Variants in DNPEP observed in about 807,000 individuals in gnomAD.
The protein encoded by DNPEP is aspartyl aminopeptidase.
Under a neutral mutation model 59.1 loss-of-function variants are expected in DNPEP, and 46 were observed. The observed-to-expected ratio is 0.78, with a 90% CI of 0.61 to 0.99. DNPEP has a LOEUF of 0.99. Ranked by LOEUF, DNPEP falls within the 50% of genes least tolerant of loss-of-function variation. The pLI, the probability that DNPEP is intolerant of heterozygous loss-of-function variation, is 0.00. For synonymous variants in DNPEP, 229 were observed against 242.2 expected, an observed-to-expected ratio of 0.95 and a Z score of 0.50; for missense variants, 617 against 649.9, an observed-to-expected ratio of 0.95 and a Z score of 0.55.
Position 219,387,097 on chromosome 2 carries a change from C to T in DNPEP, c.103G>A (p.Val35Met), listed in dbSNP as rs372371866. 4.6e-5 allele frequency: 73 copies of T among 1,591,984 alleles called. No homozygotes were observed. Among genetic ancestry groups the T allele is most frequent in the Non-Finnish European group, 5.9e-5 (69 of 1,168,172 alleles). The change falls in exon 2 of 15, where the codon GTG (valine) becomes ATG (methionine). Residue 35 changes from valine (V) to methionine (M), a missense_variant. Physicochemically the swap from Val to Met is conservative, Grantham distance 21. Transcript: ENST00000273075. ...TGGAAAGGAGAGGGACTCCGGTTCA[C>T]GAACTTGAGGAGTTCCTTAGCCGCA... ...QTAAKELLKF[V>M]NRSPSPFHAV...
intron 13 of DNPEP, among the ~76,000 whole-genome samples, chr2:219,377,908 G>A (rs907450096): frequency 6.6e-6 from 1 of 150,638 alleles, no homozygotes; most frequent in African/African-American, 2.4e-5. Flanking sequence ...GGGAGACAAA[G>A]CAAGACCCTG....
chr2:219,396,385 C>T (rs79795086), intron 1 of DNPEP, among the ~76,000 whole-genome samples: 19 of 152,096 alleles, frequency 1.2e-4, no homozygotes, highest in African/African-American at 3.9e-4. Context: ...GTCAGGAGTT[C>T]GAGACCAGCC....
At chr2:219,381,496 T>C (rs6436148) in intron 12 of DNPEP, 49 bp downstream of exon 12, 1,588,052 of 1,614,034 alleles carry the variant, frequency 0.98, 783,452 homozygotes, top group Non-Finnish European at 1. Context: ...GAGTCGGCGC[T>C]CGGAACAGCC....
intron 13 of DNPEP, among the ~76,000 whole-genome samples, chr2:219,379,577 A>G (rs376092467): frequency 7.2e-5 from 11 of 152,224 alleles, no homozygotes; most frequent in African/African-American, 2.7e-4. Context: ...TTGTGTTTTA[A>G]GCCAACTGTT....
chr2:219,374,203 C>A lies in DNPEP; in HGVS notation c.*89G>T, dbSNP rs1953277853. 1 of 1,260,498 alleles carries A rather than the reference C, an allele frequency of 7.9e-7. No homozygotes were observed. The highest frequency in any genetic ancestry group is 1.2e-6 in the Non-Finnish European group (1 of 861,840). 78.1% of individuals were successfully genotyped at this position (1,260,498 alleles called of 1,614,324 possible). A position where few individuals can be genotyped will look rare whatever the true frequency, so the allele number is the denominator to read the frequency against. ...AGCGTAGCACGGAGAGTCTGAGTGA[C>A]AATCCACTTTAATAATCCAGCTTCA... On this transcript the variant is annotated 3_prime_UTR_variant, in exon 15 of 15. Transcript: ENST00000273075.
upstream of DNPEP, chr2:219,388,711 C>G (rs1953958437): frequency 2.0e-6 from 2 of 985,608 alleles, no homozygotes; most frequent in Non-Finnish European, 2.4e-6. Context: ...CCGGGTCCGA[C>G]GGGTACGGTA....
chr2:219,394,514 G>T (rs577319802), intron 1 of DNPEP, among the ~76,000 whole-genome samples: 21 of 151,894 alleles, frequency 1.4e-4, no homozygotes, highest in African/African-American at 5.1e-4. Flanking sequence ...GACCTCAAGC[G>T]ATACTCTTAC....
At chr2:219,386,862 G>A (rs1953863961) in intron 3 of DNPEP, 30 bp downstream of exon 3, 3 of 1,610,538 alleles carry the variant, frequency 1.9e-6, no homozygotes, top group African/African-American at 1.3e-5. Context: ...CTAGGGACCT[G>A]CCTTTCCACC....
At chr2:219,391,294 G>A (rs1332586106), upstream of DNPEP, among the ~76,000 whole-genome samples, 4 of 152,100 alleles carry the variant, frequency 2.6e-5, no homozygotes, top group Admixed American at 1.3e-4. Context: ...CTGAACTTTG[G>A]GGGTATGTTT....
chr2:219,398,960 C>T (rs567625509), intron 1 of DNPEP, among the ~76,000 whole-genome samples: 14 of 152,342 alleles, frequency 9.2e-5, no homozygotes, highest in African/African-American at 3.4e-4. Context: ...ATTTAATCCT[C>T]GCTGGATTTG....
At chr2:219,388,498 C>T (rs563322566), upstream of DNPEP, 270 of 166,194 alleles carry the variant, frequency 1.6e-3, no homozygotes, top group African/African-American at 6.2e-3. Flanking sequence ...CAGGCCGCGC[C>T]TCCGCCTCCG....
In DNPEP at chr2:219,381,451, G is replaced by A; in HGVS notation, c.1138-15C>T. On this transcript the variant is annotated splice_polypyrimidine_tract_variant and intron_variant, in intron 12 of 14. Coordinates refer to ENST00000273075, the MANE Select transcript of DNPEP (RefSeq NM_012100.4). ...ATCACGGGGCCCTGGGGAGAGTCAA[G>A]GTGAGGCAGAGGTAATGACAGGCCC... is the stretch of plus-strand genomic sequence containing the variant. The A allele has an allele frequency of 3.1e-6, 5 of 1,614,204 alleles. No homozygotes were observed. Among genetic ancestry groups the A allele is most frequent in the Non-Finnish European group, 4.2e-6 (5 of 1,180,006 alleles).
chr2:219,380,273 T>C (rs1953537256), intron 13 of DNPEP, among the ~76,000 whole-genome samples: 1 of 148,958 alleles, frequency 6.7e-6, no homozygotes. Context: ...TGGAGTGCAA[T>C]GGCACGATCT....
intron 9 of DNPEP, among the ~76,000 whole-genome samples, chr2:219,384,092 G>T (rs764935323): frequency 7.2e-5 from 11 of 152,204 alleles, no homozygotes; most frequent in Non-Finnish European, 1.0e-4. Flanking sequence ...AGCAGCAGGA[G>T]CAAGGCTAGG....
chr2:219,393,041 T>G (rs1158160778), upstream of DNPEP, among the ~76,000 whole-genome samples: 1 of 152,204 alleles, frequency 6.6e-6, no homozygotes, highest in Non-Finnish European at 1.5e-5. Flanking sequence ...CCGCGCTGCC[T>G]GGTCTCACTT....
rs761147142 is a variant in DNPEP at position 219,384,408 on chromosome 2, AG to A, written c.809del (p.Ala270ValfsTer17). 2 of 1,611,990 alleles carry A rather than the reference AG, an allele frequency of 1.2e-6. No individual in the cohort carries two copies. Among genetic ancestry groups the A allele is most frequent in the Middle Eastern group, 1.7e-4 (1 of 6,060 alleles). ...AGCTGTGCAGATTGTCCAGCCGAGG[AG>A]CAAAGATGAACTCATCATAGGCACC... ...LGGAYDEFIF[A>X]PRLDNLHSCF... On this transcript the variant is annotated frameshift_variant, in exon 9 of 15. Coordinates refer to ENST00000273075, the MANE Select transcript of DNPEP (RefSeq NM_012100.4). LOFTEE classifies it high-confidence loss of function.
chr2:219,372,880 A>G lies in DNPEP; in HGVS notation c.*1412T>C, dbSNP rs1395576692. ...GAATTCTAACTTTTTGCCATTGCTA[A>G]ATTAAATTTATATGTATTGATATAG... On this transcript the variant is annotated 3_prime_UTR_variant, in exon 15 of 15. Transcript: ENST00000273075. Among the ~76,000 whole-genome samples the G allele has an allele frequency of 3.3e-5, 5 of 152,186 alleles. No individual in the cohort carries two copies. The highest frequency in any genetic ancestry group is 7.3e-5 in the Non-Finnish European group (5 of 68,042).
upstream of DNPEP, chr2:219,388,703 G>A (rs905308628): frequency 1.0e-6 from 1 of 985,706 alleles, no homozygotes; most frequent in Non-Finnish European, 1.2e-6. Flanking sequence ...CCAGCTCACC[G>A]GGTCCGACGG....
intron 1 of DNPEP, among the ~76,000 whole-genome samples, chr2:219,397,952 G>A (rs979304804): frequency 6.6e-6 from 1 of 151,716 alleles, no homozygotes; most frequent in Non-Finnish European, 1.5e-5. Context: ...CCGCACTGGC[G>A]GCAAACACCT....
Sources: gnomAD v4.1 joint callset for allele counts (sites outside exome capture counted in the v4.1 genomes callset) on GRCh38, gnomAD v4.1.1 for gene constraint, MANE v1.5 for transcripts, NCBI Gene and HGNC (gene_info 2026-07-23, HGNC 2026-07-21) for gene names.